LARGE1: variants seen among roughly 807,000 people sequenced by gnomAD.
LARGE1 encodes the protein xylosyl- and glucuronyltransferase LARGE1.
Under a neutral mutation model 87.6 loss-of-function variants are expected in LARGE1, and 43 were observed. The ratio of observed to expected loss-of-function variants is 0.49; its 90% CI spans 0.38 to 0.63. LARGE1 has a LOEUF of 0.63. Among genes scored for constraint, LARGE1 ranks in the 30% least tolerant of loss-of-function variants. LARGE1 has a pLI of 0.00. For synonymous variants in LARGE1, 434 were observed against 394.6 expected, an observed-to-expected ratio of 1.10 and a Z score of -1.18; for missense variants, 802 against 1,000.2, an observed-to-expected ratio of 0.80 and a Z score of 2.67.
chr22:33,206,312 G>A (rs1306573632), intron 11 of LARGE1, among the ~76,000 whole-genome samples: 3 of 151,384 alleles, frequency 2.0e-5, no homozygotes, highest in Middle Eastern at 3.2e-3. Context: ...GGCTGGTCTC[G>A]AACCCCTGAC....
At chr22:33,450,358 T>C (rs1312795768) in intron 6 of LARGE1, among the ~76,000 whole-genome samples, 1 of 151,708 alleles carries the variant, frequency 6.6e-6, no homozygotes, top group Admixed American at 6.6e-5. Context: ...AGGAGATCCC[T>C]TGGGAGGCCG....
intron 1 of LARGE1, among the ~76,000 whole-genome samples, chr22:33,813,932 C>A (rs1304864367): frequency 1.3e-5 from 2 of 152,030 alleles, no homozygotes; most frequent in Admixed American, 6.6e-5. Context: ...TTAAATCATG[C>A]CAGAGATACT....
At chr22:33,873,608 G>A (rs779424486) in intron 1 of LARGE1, among the ~76,000 whole-genome samples, 3 of 152,114 alleles carry the variant, frequency 2.0e-5, no homozygotes, top group Non-Finnish European at 4.4e-5. Context: ...CATAGAACCT[G>A]GGAAACAGCC....
intron 11 of LARGE1, among the ~76,000 whole-genome samples, chr22:33,186,167 T>C (rs573306161): frequency 2.6e-5 from 4 of 152,302 alleles, no homozygotes; most frequent in African/African-American, 9.6e-5. Context: ...TTCCAATTCA[T>C]TTTATAATGC....
chr22:33,393,023 A>T (rs577253637), intron 7 of LARGE1, among the ~76,000 whole-genome samples: 1 of 152,298 alleles, frequency 6.6e-6, no homozygotes, highest in African/African-American at 2.4e-5. Flanking sequence ...CAGCTAAGAG[A>T]TACATCCACA....
At chr22:33,779,693 G>A (rs1332455228) in intron 1 of LARGE1, among the ~76,000 whole-genome samples, 1 of 152,064 alleles carries the variant, frequency 6.6e-6, no homozygotes, top group Non-Finnish European at 1.5e-5. Context: ...GGCTGAGGCA[G>A]CAGAATCACT....
intron 2 of LARGE1, among the ~76,000 whole-genome samples, chr22:33,706,623 G>GTTTT (rs2082570497): frequency 6.6e-6 from 1 of 152,204 alleles, no homozygotes; most frequent in Non-Finnish European, 1.5e-5. Flanking sequence ...AGAGGTTCTA[G>GTTTT]TAAAAATCAA....
the LARGE1 span, among the ~76,000 whole-genome samples, chr22:33,101,648 C>T: frequency 1.6e-3 from 243 of 152,244 alleles, 1 homozygote; most frequent in Middle Eastern, 3.4e-3. Context: ...AGATGTCTCA[C>T]GATGTCAGAT....
At chr22:33,408,867 A>G (rs2066204745) in intron 7 of LARGE1, among the ~76,000 whole-genome samples, 1 of 152,150 alleles carries the variant, frequency 6.6e-6, no homozygotes, top group African/African-American at 2.4e-5. Context: ...ATGTTTCCTC[A>G]GTATATTCGC....
chr22:33,139,130 G>C, the LARGE1 span, among the ~76,000 whole-genome samples: 5 of 152,062 alleles, frequency 3.3e-5, no homozygotes, highest in African/African-American at 1.2e-4. Flanking sequence ...CAGCCACGTG[G>C]AACTGTAAGT....
intron 2 of LARGE1, among the ~76,000 whole-genome samples, chr22:33,696,654 C>T (rs1363003603): frequency 1.3e-5 from 2 of 152,220 alleles, no homozygotes; most frequent in Admixed American, 6.5e-5. Context: ...TTCTTACCAA[C>T]ATCTGATGTT....
chr22:33,576,731 C>T (rs762876), intron 5 of LARGE1, among the ~76,000 whole-genome samples: 152,312 of 152,312 alleles, frequency 1, 76,156 homozygotes, highest in Non-Finnish European at 1. Context: ...GTGCACAAGT[C>T]CCCTGATGTA....
intron 11 of LARGE1, among the ~76,000 whole-genome samples, chr22:33,208,466 T>A (rs1299719327): frequency 6.6e-6 from 1 of 152,222 alleles, no homozygotes; most frequent in African/African-American, 2.4e-5. Context: ...TTGTAGTCAC[T>A]GCATTCCAAA....
intron 1 of LARGE1, among the ~76,000 whole-genome samples, chr22:33,896,658 A>G (rs2065153462): frequency 6.6e-6 from 1 of 152,166 alleles, no homozygotes; most frequent in African/African-American, 2.4e-5. Context: ...CAAACTTCAC[A>G]GTGTCCACAG....
At chr22:33,534,814 G>A (rs1602298509) in intron 6 of LARGE1, among the ~76,000 whole-genome samples, 1 of 152,192 alleles carries the variant, frequency 6.6e-6, no homozygotes, top group Admixed American at 6.5e-5. Flanking sequence ...GCAGGAGCAA[G>A]TCTCTTCTTC....
the LARGE1 span, among the ~76,000 whole-genome samples, chr22:33,095,430 C>T: frequency 6.6e-6 from 1 of 152,198 alleles, no homozygotes; most frequent in Non-Finnish European, 1.5e-5. Flanking sequence ...ACACTAGTCA[C>T]TGGGTCAGGG....
chr22:33,277,910 T>C (rs1412275368), intron 13 of LARGE1, among the ~76,000 whole-genome samples: 31 of 152,156 alleles, frequency 2.0e-4, no homozygotes, highest in Admixed American at 2.0e-3. Flanking sequence ...TGTGTAGTGA[T>C]TGCTGCCAGA....
intron 1 of LARGE1, among the ~76,000 whole-genome samples, chr22:33,774,450 G>C (rs886472772): frequency 6.6e-6 from 1 of 151,944 alleles, no homozygotes; most frequent in African/African-American, 2.4e-5. Context: ...CCCACCTCCC[G>C]GGTTGAAGCA....
intron 1 of LARGE1, among the ~76,000 whole-genome samples, chr22:33,821,394 T>C (rs959031213): frequency 6.6e-6 from 1 of 152,130 alleles, no homozygotes. Context: ...CTAGTTTACC[T>C]CCCCATCCTG....
Sources: allele counts gnomAD v4.1 joint callset (sites outside exome capture counted in the v4.1 genomes callset), GRCh38; gene constraint gnomAD v4.1.1; transcripts MANE v1.5; gene names NCBI Gene and HGNC (gene_info 2026-07-23, HGNC 2026-07-21).